PCDHGB5: variants seen among roughly 807,000 people sequenced by gnomAD.
The protein encoded by PCDHGB5 is protocadherin gamma-B5.
Under a neutral mutation model 62.9 loss-of-function variants are expected in PCDHGB5, and 48 were observed. The ratio of observed to expected loss-of-function variants is 0.76; its 90% confidence interval spans 0.61 to 0.97. PCDHGB5 has a LOEUF of 0.97. Ranked by LOEUF, PCDHGB5 falls within the 50% of genes least tolerant of loss-of-function variation. The pLI, the probability that PCDHGB5 is intolerant of heterozygous loss-of-function variation, is 0.00. For synonymous variants in PCDHGB5, 474 were observed against 511.2 expected (o/e 0.93, Z 0.98); for missense variants, 1,118 against 1,198.6 (o/e 0.93, Z 0.99).
At chr5:141,446,624 G>C (rs1433894248) in intron 1 of PCDHGB5, among the ~76,000 whole-genome samples, 1 of 151,930 alleles carries the variant, frequency 6.6e-6, no homozygotes, top group African/African-American at 2.4e-5. Flanking sequence ...CTACAGGCGT[G>C]CACCACCACG....
chr5:141,400,452 A>C lies in PCDHGB5; in HGVS notation c.2325A>C (p.Ile775=). The change falls in exon 1 of 4, where the codon ATA becomes ATC. Residue 775 remains isoleucine, a synonymous_variant. Transcript: ENST00000617380. ...AGCAATTGAGTTCAGGACAAGACAT[A>C]CTTTGTGGTGATTCATCTGGGGCCT... ...CSEQLSSGQD[I]LCGDSSGALF... 3 of 1,614,038 alleles carry C rather than the reference A, an allele frequency of 1.9e-6. No homozygotes were observed. The highest frequency in any genetic ancestry group is 2.5e-6 in the Non-Finnish European group (3 of 1,179,894).
chr5:141,477,861 G>T lies in PCDHGB5; in HGVS notation c.2398-16946G>T. 6.2e-7 allele frequency: 1 copy of T among 1,612,714 alleles called. No homozygotes were observed. Among genetic ancestry groups the T allele is most frequent in the Non-Finnish European group, 8.5e-7 (1 of 1,179,590 alleles). ...GGGAGCTCGGTGGAGATGCTGCCTC[G>T]AGGTACCTCAGCTGGCCACCTAGTG... On this transcript the variant is annotated intron_variant, in intron 1 of 3. Coordinates refer to ENST00000617380, the MANE Select transcript of PCDHGB5 (RefSeq NM_018925.3). This position sits in a 1 kb window ranked among gnomAD's most constrained non-coding sequence, Gnocchi z 4.9.
In PCDHGB5 at chr5:141,476,833, C is replaced by T. The variant is rs746365316; in HGVS notation, c.2398-17974C>T. 1.4e-5 allele frequency: 23 copies of T among 1,613,524 alleles called. No homozygotes were observed. Among genetic ancestry groups the T allele is most frequent in the Non-Finnish European group, 1.9e-5 (23 of 1,180,050 alleles). On this transcript the variant is annotated intron_variant, in intron 1 of 3. Coordinates refer to ENST00000617380, the MANE Select transcript of PCDHGB5 (RefSeq NM_018925.3). The surrounding 1 kb of genome is among the most constrained non-coding windows in gnomAD (Gnocchi z 7.6). Reference sequence around the variant, plus strand: ...ACATCAAGGTGCTGGACGCGAATGACAATGCGCCTGTCTTCAACCAGTCCT... The same window carrying T: ...ACATCAAGGTGCTGGACGCGAATGATAATGCGCCTGTCTTCAACCAGTCCT...
At chr5:141,495,800 C>T (rs1351461035) in intron 2 of PCDHGB5, among the ~76,000 whole-genome samples, 5 of 152,134 alleles carry the variant, frequency 3.3e-5, no homozygotes, top group Non-Finnish European at 7.3e-5. Context: ...CTCCTTTCAC[C>T]GTTTCCTAGC....
chr5:141,489,101 T>G lies in PCDHGB5; in HGVS notation c.2398-5706T>G. 1 of 398,408 alleles carries G rather than the reference T, an allele frequency of 2.5e-6. No homozygotes were observed. Among genetic ancestry groups the G allele is most frequent in the Non-Finnish European group, 4.5e-6 (1 of 223,328 alleles). The allele number at this position is 398,408 out of a possible 1,614,324, so 24.7% of individuals were successfully genotyped here. On this transcript the variant is annotated intron_variant, in intron 1 of 3. Transcript: ENST00000617380. The surrounding 1 kb of genome is among the most constrained non-coding windows in gnomAD (Gnocchi z 4.5). Reference sequence around the variant, plus strand: ...CCGCCACTCGGTGACTAAGAACTGCTGCAAGCAGGCAAACCTCCGAGCAGT... The same window carrying G: ...CCGCCACTCGGTGACTAAGAACTGCGGCAAGCAGGCAAACCTCCGAGCAGT...
In PCDHGB5 at chr5:141,477,531, C is replaced by T. The variant is rs1316982512; in HGVS notation, c.2398-17276C>T. 5 of 1,614,162 alleles carry T rather than the reference C, an allele frequency of 3.1e-6. No homozygotes were observed. Among genetic ancestry groups the T allele is most frequent in the Middle Eastern group, 1.6e-4 (1 of 6,062 alleles). On this transcript the variant is annotated intron_variant, in intron 1 of 3. Transcript: ENST00000617380. This position sits in a 1 kb window ranked among gnomAD's most constrained non-coding sequence, Gnocchi z 4.9. ...GTTTACATTGAAGAAAACAACCTCC[C>T]CGGGGCTCCAATACTAAACCTAAGT... is the stretch of plus-strand genomic sequence containing the variant.
intron 2 of PCDHGB5, among the ~76,000 whole-genome samples, chr5:141,501,324 CA>C (rs1311475307): frequency 7.2e-5 from 11 of 151,778 alleles, no homozygotes; most frequent in African/African-American, 1.9e-4. Flanking sequence ...CACACACACA[CA>C]CACACACACC....
chr5:141,487,591 C>T lies in PCDHGB5; in HGVS notation c.2398-7216C>T. 8 of 1,614,176 alleles carry T rather than the reference C, an allele frequency of 5.0e-6. No homozygotes were observed. The highest frequency in any genetic ancestry group is 6.8e-6 in the Non-Finnish European group (8 of 1,180,036). On this transcript the variant is annotated intron_variant, in intron 1 of 3. Coordinates refer to ENST00000617380, the MANE Select transcript of PCDHGB5 (RefSeq NM_018925.3). The surrounding 1 kb of genome is among the most constrained non-coding windows in gnomAD (Gnocchi z 5.0). ...AGCCTGTTCGCCCAAGCTGCCCACC[C>T]TCTGATCTTCTCTATGGGCTAGAGG...
chr5:141,505,570 C>A, intron 3 of PCDHGB5, 89 bp downstream of exon 3: 1 of 1,598,160 alleles, frequency 6.3e-7, no homozygotes, highest in South Asian at 1.1e-5. Context: ...GACTGGATGT[C>A]AAACCTGTGT....
rs112808093 is a variant in PCDHGB5, at chr5:141,489,579, C to T, written c.2398-5228C>T. On this transcript the variant is annotated intron_variant, in intron 1 of 3. Transcript: ENST00000617380. The surrounding 1 kb of genome is among the most constrained non-coding windows in gnomAD (Gnocchi z 4.5). ...CAGTGCAGGTGGTGACTGAACACCC[C>T]CTGGAGCTAATCCGTGTAGAGGTAG... is the stretch of plus-strand genomic sequence containing the variant. 211 of 1,614,038 alleles carry T rather than the reference C, an allele frequency of 1.3e-4. 1 individual carries two copies. In the African/African-American group the frequency reaches 1.7e-3, roughly 13 times the overall value.
chr5:141,427,429 G>A (rs2097025761), intron 1 of PCDHGB5: 1 of 471,078 alleles, frequency 2.1e-6, no homozygotes, highest in African/African-American at 2.0e-5. Flanking sequence ...GAGGTTACAT[G>A]CCTCATAAAC....
rs1173627393 is a variant in PCDHGB5 at position 141,487,102 on chromosome 5, G to A, written c.2398-7705G>A. ...CAGCTGACCTCCCACCACAGAAGCT[G>A]GTCATTGTGGTAAAGGATAGTGGTA... On this transcript the variant is annotated intron_variant, in intron 1 of 3. Coordinates refer to ENST00000617380, the MANE Select transcript of PCDHGB5 (RefSeq NM_018925.3). This position sits in a 1 kb window ranked among gnomAD's most constrained non-coding sequence, Gnocchi z 5.0. 1 of 1,613,900 alleles carries A rather than the reference G, an allele frequency of 6.2e-7. No homozygotes were observed.
chr5:141,435,897 A>G (rs1206255678), intron 1 of PCDHGB5, among the ~76,000 whole-genome samples: 2 of 152,166 alleles, frequency 1.3e-5, no homozygotes, highest in East Asian at 1.9e-4. Context: ...TAGAGAATGA[A>G]AGACATCCAA....
rs755667675 is a variant in PCDHGB5 at position 141,400,023 on chromosome 5, C to A, written c.1896C>A (p.Asp632Glu). 2.4e-5 allele frequency: 38 copies of A among 1,612,754 alleles called. No individual in the cohort carries two copies. Among genetic ancestry groups the A allele is most frequent in the Non-Finnish European group, 3.2e-5 (38 of 1,179,728 alleles). Reference sequence around the variant, plus strand: ...CAGCGCGTGCCTTGGGCGACAGGGACGCGGCCCGCCAGCGCCTGCTGGTTG... The same window carrying A: ...CAGCGCGTGCCTTGGGCGACAGGGAAGCGGCCCGCCAGCGCCTGCTGGTTG... ...VRTARALGDRDAARQRLLVAV... is the reference protein window; with the variant it reads ...VRTARALGDREAARQRLLVAV... Residue 632 changes from aspartate (D) to glutamate (E), a missense_variant, in exon 1 of 4, where the codon GAC becomes GAA. Physicochemically the swap from Asp to Glu is conservative, Grantham distance 45. Transcript: ENST00000617380.
In PCDHGB5 at chr5:141,486,718, A is replaced by G; in HGVS notation, c.2398-8089A>G. 6.2e-7 allele frequency: 1 copy of G among 1,614,106 alleles called. No individual in the cohort carries two copies. The highest frequency in any genetic ancestry group is 1.7e-5 in the Admixed American group (1 of 60,022). On this transcript the variant is annotated intron_variant, in intron 1 of 3. Coordinates refer to ENST00000617380, the MANE Select transcript of PCDHGB5 (RefSeq NM_018925.3). This position sits in a 1 kb window ranked among gnomAD's most constrained non-coding sequence, Gnocchi z 5.0. Reference sequence around the variant, plus strand: ...TCATCTCTCTGAACCCCCAGACAGGAGCTGTTCATGCTACTCGATCCTTTG... The same window carrying G: ...TCATCTCTCTGAACCCCCAGACAGGGGCTGTTCATGCTACTCGATCCTTTG...
intron 1 of PCDHGB5, chr5:141,408,411 C>T (rs2095101928): frequency 1.2e-6 from 2 of 1,614,034 alleles, no homozygotes; most frequent in African/African-American, 1.3e-5. Context: ...CGAGTGAGCG[C>T]GGAGAAGCTG....
intron 1 of PCDHGB5, among the ~76,000 whole-genome samples, chr5:141,443,521 T>A (rs2098392520): frequency 6.6e-6 from 1 of 152,156 alleles, no homozygotes; most frequent in Admixed American, 6.6e-5. Context: ...TCTCTCCTTA[T>A]GACTTATTTA....
intron 1 of PCDHGB5, among the ~76,000 whole-genome samples, chr5:141,466,063 A>G (rs554503713): frequency 3.3e-5 from 5 of 152,268 alleles, no homozygotes; most frequent in Admixed American, 6.5e-5. Context: ...CGGAGCTTGC[A>G]GTGAGCTGAT....
chr5:141,475,080 C>T (rs963278755), intron 1 of PCDHGB5, among the ~76,000 whole-genome samples: 3 of 152,128 alleles, frequency 2.0e-5, no homozygotes, highest in South Asian at 4.1e-4. Flanking sequence ...GCCATTATTT[C>T]AATAATTTTA....
Sources: allele counts gnomAD v4.1 joint callset (sites outside exome capture counted in the v4.1 genomes callset), GRCh38; gene constraint gnomAD v4.1.1; non-coding constraint Gnocchi (gnomAD v3.1); transcripts MANE v1.5; gene names NCBI Gene and HGNC (gene_info 2026-07-23, HGNC 2026-07-21).